The following SLC41A3 variants were observed in gnomAD, a reference collection of about 807,000 sequenced individuals.
The protein encoded by SLC41A3 is solute carrier family 41 member 3.
Under a neutral mutation model 45.4 loss-of-function variants are expected in SLC41A3, and 44 were observed. The ratio of observed to expected loss-of-function variants is 0.97; its 90% confidence interval spans 0.76 to 1.25. The LOEUF is 1.25. Ranked by LOEUF, SLC41A3 falls within the 50% of genes most tolerant of loss-of-function variation. SLC41A3 has a pLI of 0.00. For missense variants in SLC41A3, 550 were observed against 600.6 expected (o/e 0.92, Z 0.88); for synonymous variants, 256 against 252.4 (o/e 1.01, Z -0.13).
At chr3:126,056,868 C>T in intron 2 of SLC41A3, 1 of 1,180,088 alleles carries the variant, frequency 8.5e-7, no homozygotes, top group South Asian at 2.5e-5. Context: ...CCTCCCTCTG[C>T]CAGTCTGCCA....
chr3:126,023,072 C>T (rs1941044998), intron 5 of SLC41A3, 140 bp from the exon 6 acceptor site: 4 of 1,179,366 alleles, frequency 3.4e-6, no homozygotes, highest in African/African-American at 1.5e-5. Context: ...ACTTGCCTCC[C>T]TCCACAAAGT....
chr3:126,082,797 G>C (rs1335673383), intron 1 of SLC41A3, among the ~76,000 whole-genome samples: 1 of 152,196 alleles, frequency 6.6e-6, no homozygotes, highest in Non-Finnish European at 1.5e-5. Context: ...CCCAAAGGCA[G>C]GCAGGCAGGG....
intron 10 of SLC41A3, among the ~76,000 whole-genome samples, chr3:126,007,704 C>T (rs1939244037): frequency 6.6e-6 from 1 of 152,230 alleles, no homozygotes; most frequent in Non-Finnish European, 1.5e-5. Flanking sequence ...TTCTCCCCAA[C>T]TGGAGTCATA....
At chr3:126,054,565 C>T (rs957866378) in intron 2 of SLC41A3, among the ~76,000 whole-genome samples, 2 of 152,068 alleles carry the variant, frequency 1.3e-5, no homozygotes, top group Admixed American at 6.5e-5. Flanking sequence ...TCACTTTCCA[C>T]AAATGCACAC....
intron 2 of SLC41A3, among the ~76,000 whole-genome samples, chr3:126,059,357 C>T (rs1943935540): frequency 6.6e-6 from 1 of 151,630 alleles, no homozygotes; most frequent in East Asian, 1.9e-4. Context: ...CAGGGCATAA[C>T]AAGGGCACAG....
At chr3:126,023,653 T>C (rs1941102718) in intron 5 of SLC41A3, 1 of 152,350 alleles carries the variant, frequency 6.6e-6, no homozygotes. Flanking sequence ...TGGTGGCGGA[T>C]TTCTGGGGGC....
chr3:126,057,268 T>C, intron 2 of SLC41A3: 1 of 591,230 alleles, frequency 1.7e-6, no homozygotes, highest in East Asian at 1.4e-4. Context: ...CTGTTCTCCC[T>C]CCATGGCCTG....
intron 1 of SLC41A3, among the ~76,000 whole-genome samples, chr3:126,075,691 A>G (rs1474082152): frequency 6.6e-6 from 1 of 152,228 alleles, no homozygotes; most frequent in Non-Finnish European, 1.5e-5. Flanking sequence ...TCTATGGCCA[A>G]TGGATTTCTG....
At chr3:126,028,361 G>A (rs371125504) in intron 4 of SLC41A3, among the ~76,000 whole-genome samples, 187 of 152,346 alleles carry the variant, frequency 1.2e-3, no homozygotes, top group African/African-American at 4.1e-3. Flanking sequence ...TGGCTCAAAA[G>A]GGCCCAGATA....
chr3:126,046,608 G>A (rs537750850), intron 3 of SLC41A3, among the ~76,000 whole-genome samples: 2 of 152,250 alleles, frequency 1.3e-5, no homozygotes, highest in Admixed American at 1.3e-4. Flanking sequence ...AATTCAAGAA[G>A]ACACAAATAA....
chr3:126,043,420 G>C (rs78613409), intron 3 of SLC41A3, among the ~76,000 whole-genome samples: 4,195 of 152,150 alleles, frequency 0.028, 139 homozygotes, highest in African/African-American at 0.08. Context: ...TGAAATGAAA[G>C]AATGCCAGAC....
In SLC41A3 at chr3:126,026,321, G is replaced by A; in HGVS notation, c.598+14C>T. ...AGGGAGCGGGTGGGGGCTCACAGCTGGGGCATGGCTCACCCAGGGCAAAGG... is the reference window on the plus strand; with the variant it reads ...AGGGAGCGGGTGGGGGCTCACAGCTAGGGCATGGCTCACCCAGGGCAAAGG... On this transcript the variant is annotated intron_variant, in intron 5 of 10. Coordinates refer to ENST00000360370, the MANE Select transcript of SLC41A3 (RefSeq NM_017836.4). This position sits in a 1 kb window ranked among gnomAD's most constrained non-coding sequence, Gnocchi z 4.2. 1 of 1,555,994 alleles carries A rather than the reference G, an allele frequency of 6.4e-7. No individual in the cohort carries two copies.
At chr3:126,009,111 A>G (rs1355612241) in intron 9 of SLC41A3, among the ~76,000 whole-genome samples, 1 of 152,238 alleles carries the variant, frequency 6.6e-6, no homozygotes, top group African/African-American at 2.4e-5. Flanking sequence ...CAGAAATAAA[A>G]AGAAGCAAGA....
intron 2 of SLC41A3, chr3:126,056,267 C>T: frequency 6.7e-7 from 1 of 1,501,218 alleles, no homozygotes; most frequent in South Asian, 1.3e-5. Flanking sequence ...CTGTAGAGGC[C>T]CCTCATGTCT....
intron 1 of SLC41A3, among the ~76,000 whole-genome samples, chr3:126,094,428 C>T (rs934690278): frequency 3.9e-5 from 6 of 152,148 alleles, no homozygotes; most frequent in Non-Finnish European, 8.8e-5. Context: ...GAAATGGGCA[C>T]ATAGCTCCAA....
At chr3:126,060,999 C>A (rs978327950) in intron 2 of SLC41A3, among the ~76,000 whole-genome samples, 4 of 152,212 alleles carry the variant, frequency 2.6e-5, no homozygotes, top group Non-Finnish European at 5.9e-5. Flanking sequence ...TCTCTGCCCA[C>A]CACCTCGTTC....
chr3:126,032,561 C>G (rs1310369166), intron 4 of SLC41A3, among the ~76,000 whole-genome samples: 1 of 152,164 alleles, frequency 6.6e-6, no homozygotes, highest in African/African-American at 2.4e-5. Flanking sequence ...AGTGACTTGC[C>G]TGAGGCCCCT....
intron 2 of SLC41A3, among the ~76,000 whole-genome samples, chr3:126,064,103 C>A (rs13083168): frequency 0.34 from 51,238 of 151,978 alleles, 8,838 homozygotes; most frequent in African/African-American, 0.38. Flanking sequence ...GTCTCAGTCA[C>A]CACCAAGACT....
At chr3:126,021,319 G>A (rs1940863724) in intron 6 of SLC41A3, among the ~76,000 whole-genome samples, 1 of 152,234 alleles carries the variant, frequency 6.6e-6, no homozygotes, top group African/African-American at 2.4e-5. Context: ...AGAGCTGCAT[G>A]TGCAGTGTGT....
Sources: allele counts gnomAD v4.1 joint callset (sites outside exome capture counted in the v4.1 genomes callset), GRCh38; gene constraint gnomAD v4.1.1; non-coding constraint Gnocchi (gnomAD v3.1); transcripts MANE v1.5; gene names NCBI Gene and HGNC (gene_info 2026-07-23, HGNC 2026-07-21).